The following RIN2 variants were observed in gnomAD, a reference collection of about 807,000 sequenced individuals.
RIN2 encodes RAB5 interacting protein 2.
RIN2 carries 36 observed loss-of-function variants against 78.0 expected under a neutral mutation model. The ratio of observed to expected loss-of-function variants is 0.46; its 90% CI spans 0.35 to 0.61. The LOEUF (loss-of-function observed/expected upper bound fraction) is 0.61. Among genes scored for constraint, RIN2 ranks in the 20% least tolerant of loss-of-function variants. RIN2 has a pLI of 0.00. For missense variants in RIN2, 1,087 were observed against 1,159.7 expected (o/e 0.94, Z 0.91); for synonymous variants, 466 against 466.8 (o/e 1.00, Z 0.02).
At chr20:19,968,023 C>T (rs776397435) in intron 7 of RIN2, among the ~76,000 whole-genome samples, 4 of 152,146 alleles carry the variant, frequency 2.6e-5, no homozygotes, top group South Asian at 2.1e-4. Context: ...TGCCAAAGCC[C>T]GTATTTTCCC....
chr20:19,840,637 A>C (rs1257055532), intron 2 of RIN2, among the ~76,000 whole-genome samples: 1 of 152,198 alleles, frequency 6.6e-6, no homozygotes, highest in Non-Finnish European at 1.5e-5. Flanking sequence ...TTGTCTTTAC[A>C]TGCCCTTACG....
chr20:19,844,658 TTCTTCTTCTTC>T (rs2036705263), intron 2 of RIN2, among the ~76,000 whole-genome samples: 1 of 128,068 alleles, frequency 7.8e-6, no homozygotes, highest in African/African-American at 3.5e-5. Context: ...CTTCTTCTTC[TTCTTCTTCTTC>T]CTTCTTCTTC....
chr20:19,829,533 A>G lies in RIN2; in HGVS notation c.-37+29786A>G, dbSNP rs375833980. Among the ~76,000 whole-genome samples, 88 of 152,262 alleles carry G rather than the reference A, an allele frequency of 5.8e-4. 2 individuals are homozygous for G. Among genetic ancestry groups the G allele is most frequent in the African/African-American group, 1.9e-3 (77 of 41,548 alleles). Reference sequence around the variant, plus strand: ...TTCTATAGGCTGTTGTGTTTGATGAAAGTGTGCCGGCTTAAAAAGTTCAAA... The same window carrying G: ...TTCTATAGGCTGTTGTGTTTGATGAGAGTGTGCCGGCTTAAAAAGTTCAAA... On this transcript the variant is annotated intron_variant, in intron 2 of 12. Transcript: ENST00000255006.
chr20:19,776,742 AAAAGAAAG>A (rs140024179), intron 1 of RIN2, among the ~76,000 whole-genome samples: 2 of 151,574 alleles, frequency 1.3e-5, no homozygotes, highest in South Asian at 4.2e-4. Flanking sequence ...AAAAAAAAAA[AAAAGAAAG>A]AAAGAAAAAA....
At chr20:19,898,692 C>T (rs547979846) in intron 3 of RIN2, among the ~76,000 whole-genome samples, 2 of 152,226 alleles carry the variant, frequency 1.3e-5, no homozygotes, top group African/African-American at 4.8e-5. Flanking sequence ...TATATAACCT[C>T]ACTGTGTCTG....
chr20:19,940,337 G>T (rs2040816143), intron 4 of RIN2, among the ~76,000 whole-genome samples: 1 of 152,168 alleles, frequency 6.6e-6, no homozygotes. Flanking sequence ...AAGTATTCTT[G>T]CCTCAGAGAC....
rs115147143 is a variant in RIN2, at chr20:19,817,146, G to A, written c.-37+17399G>A. The stretch of plus-strand genomic sequence containing the variant: ...CTGAAAATTCCAGAAGTTGCAACAC[G>A]TGTGTTATTACTTGGAAGTAAATAC... On this transcript the variant is annotated intron_variant, in intron 2 of 12. Coordinates refer to ENST00000255006, the MANE Select transcript of RIN2 (RefSeq NM_018993.4). 6.2e-3 allele frequency among the ~76,000 whole-genome samples: 943 copies of A among 152,310 alleles called. 11 individuals carry two copies. The highest frequency in any genetic ancestry group is 0.022 in the African/African-American group (894 of 41,562).
chr20:19,968,072 C>G (rs1053745920), intron 7 of RIN2, among the ~76,000 whole-genome samples: 6 of 152,302 alleles, frequency 3.9e-5, no homozygotes, highest in African/African-American at 1.4e-4. Context: ...GGGTCCAACA[C>G]ATCCAGGTTT....
chr20:19,844,402 G>A (rs749028920), intron 2 of RIN2, among the ~76,000 whole-genome samples: 2 of 152,156 alleles, frequency 1.3e-5, no homozygotes, highest in Non-Finnish European at 2.9e-5. Context: ...ATTGCCAATA[G>A]CATGCAACCA....
At chr20:19,987,265 T>C (rs2042650742) in intron 9 of RIN2, among the ~76,000 whole-genome samples, 1 of 152,240 alleles carries the variant, frequency 6.6e-6, no homozygotes. Context: ...AACATTACTA[T>C]GGACATTCAT....
intron 1 of RIN2, among the ~76,000 whole-genome samples, chr20:19,776,731 CAAAA>C (rs778463108): frequency 3.4e-5 from 4 of 116,688 alleles, no homozygotes; most frequent in African/African-American, 6.4e-5. Flanking sequence ...GACCCTGTCT[CAAAA>C]AAAAAAAAAA....
At chr20:19,811,936 T>C (rs188381347) in intron 2 of RIN2, among the ~76,000 whole-genome samples, 257 of 152,346 alleles carry the variant, frequency 1.7e-3, no homozygotes, top group African/African-American at 5.8e-3. Context: ...AGTAAATTTA[T>C]ACAGCTTTCC....
At chr20:19,935,510 T>A in intron 4 of RIN2, 1 of 1,106,554 alleles carries the variant, frequency 9.0e-7, no homozygotes, top group Non-Finnish European at 1.1e-6. Flanking sequence ...TGCAGCAAGA[T>A]CCAGCGTGTG....
rs963647725 is a variant in RIN2 at position 20,002,133 on chromosome 20, A to T, written c.*1197A>T. 2.6e-5 allele frequency: 4 copies of T among 151,734 alleles called. No homozygotes were observed. Among genetic ancestry groups the T allele is most frequent in the Non-Finnish European group, 5.9e-5 (4 of 67,658 alleles). The allele number at this position is 151,734 out of a possible 1,614,324, so 9.4% of individuals were successfully genotyped here. On this transcript the variant is annotated 3_prime_UTR_variant, in exon 13 of 13. Transcript: ENST00000255006. ...GAAGAATTTGAAAATGCACAAAAAA[A>T]TCAATCTACATTATCAGAACCTGCA...
chr20:19,992,019 C>A (rs1172709853), intron 10 of RIN2, 149 bp from the exon 11 acceptor site: 3 of 847,122 alleles, frequency 3.5e-6, no homozygotes. Flanking sequence ...TCAGAGGCTA[C>A]ATAGGATTCC....
intron 4 of RIN2, among the ~76,000 whole-genome samples, chr20:19,942,632 A>T (rs1244695508): frequency 6.6e-6 from 1 of 152,012 alleles, no homozygotes; most frequent in East Asian, 1.9e-4. Context: ...TATCCTTCTG[A>T]TGTTTTTGCA....
chr20:19,807,888 T>G (rs2035457146), intron 2 of RIN2, among the ~76,000 whole-genome samples: 1 of 152,196 alleles, frequency 6.6e-6, no homozygotes, highest in African/African-American at 2.4e-5. Flanking sequence ...TTTGCAGCCT[T>G]AAATTTACAG....
chr20:19,806,603 G>C (rs975289566), intron 2 of RIN2, among the ~76,000 whole-genome samples: 10 of 152,130 alleles, frequency 6.6e-5, no homozygotes, highest in Non-Finnish European at 1.5e-4. Context: ...TCCAAACTCA[G>C]TAGGAAAACT....
chr20:19,795,985 T>A (rs757449077), intron 1 of RIN2, among the ~76,000 whole-genome samples: 19 of 151,660 alleles, frequency 1.3e-4, no homozygotes, highest in Non-Finnish European at 1.0e-4. Context: ...TGAGCCGAGG[T>A]TGCACCATTG....
Sources: gnomAD v4.1 joint callset for allele counts (sites outside exome capture counted in the v4.1 genomes callset) on GRCh38, gnomAD v4.1.1 for gene constraint, MANE v1.5 for transcripts, NCBI Gene and HGNC (gene_info 2026-07-23, HGNC 2026-07-21) for gene names.